Variants in CHST15 observed in about 807,000 individuals in gnomAD.
CHST15 encodes the protein B cell RAG associated protein (GALNAC4S-6ST).
Under a neutral mutation model 53.6 loss-of-function variants are expected in CHST15, and 30 were observed. That is an observed-to-expected ratio of 0.56 (90% CI 0.42 to 0.76). The LOEUF is 0.76. Ranked by LOEUF, CHST15 falls within the 30% of genes least tolerant of loss-of-function variation. The pLI is 0.00. For missense variants in CHST15, 627 were observed against 740.5 expected, an observed-to-expected ratio of 0.85 and a Z score of 1.78; for synonymous variants, 296 against 289.8, an observed-to-expected ratio of 1.02 and a Z score of -0.22.
intron 5 of CHST15, among the ~76,000 whole-genome samples, chr10:124,032,228 A>C (rs1947252679): frequency 1.3e-5 from 2 of 152,234 alleles, no homozygotes; most frequent in African/African-American, 4.8e-5. Context: ...TTTGGGTCAA[A>C]ATCGAGTTTG....
intron 1 of CHST15, among the ~76,000 whole-genome samples, chr10:124,084,108 C>T (rs774900983): frequency 7.2e-5 from 11 of 152,226 alleles, no homozygotes; most frequent in South Asian, 6.2e-4. Flanking sequence ...GGAAGGGTCT[C>T]TGCTGCCCCA....
chr10:124,078,189 C>A (rs1949133499), intron 1 of CHST15, among the ~76,000 whole-genome samples: 1 of 152,194 alleles, frequency 6.6e-6, no homozygotes, highest in Non-Finnish European at 1.5e-5. Flanking sequence ...AGCCCCAGGG[C>A]ACACAGCAGT....
rs985410194 is a variant in CHST15 at position 124,024,140 on chromosome 10, C to T, written c.1191-2728G>A. Among the ~76,000 whole-genome samples the T allele has an allele frequency of 2.0e-5, 3 of 152,224 alleles. No individual in the cohort carries two copies. Among genetic ancestry groups the T allele is most frequent in the African/African-American group, 7.2e-5 (3 of 41,446 alleles). On this transcript the variant is annotated intron_variant, in intron 5 of 7. Coordinates refer to ENST00000435907, the MANE Select transcript of CHST15 (RefSeq NM_001270764.2). The surrounding 1 kb of genome is among the most constrained non-coding windows in gnomAD (Gnocchi z 4.0). ...GATTACGGGCGTGAGCCACCACGCCCAGCCGCCATCCATACTTCCAAACGC... is the reference window on the plus strand; with the variant it reads ...GATTACGGGCGTGAGCCACCACGCCTAGCCGCCATCCATACTTCCAAACGC...
At chr10:124,041,626 C>G (rs1052634892) in intron 4 of CHST15, among the ~76,000 whole-genome samples, 1 of 152,128 alleles carries the variant, frequency 6.6e-6, no homozygotes, top group Non-Finnish European at 1.5e-5. Flanking sequence ...TTCACTGTCT[C>G]TATTTCCATC....
intron 5 of CHST15, among the ~76,000 whole-genome samples, chr10:124,034,572 T>C (rs112023100): frequency 0.04 from 4,427 of 111,658 alleles, 289 homozygotes; most frequent in African/African-American, 0.15. Flanking sequence ...GACCCTGGCT[T>C]CATCCCCTAA....
chr10:124,085,908 C>T (rs556805730), intron 1 of CHST15, among the ~76,000 whole-genome samples: 42 of 152,220 alleles, frequency 2.8e-4, no homozygotes, highest in Middle Eastern at 3.4e-3. Flanking sequence ...CTCCAGTGGC[C>T]GGGGGACCCA....
chr10:124,092,937 G>C (rs1949648049), intron 1 of CHST15, among the ~76,000 whole-genome samples: 1 of 152,236 alleles, frequency 6.6e-6, no homozygotes. Flanking sequence ...CAGCCCGCCG[G>C]TGCGTTCCAC....
intron 7 of CHST15, chr10:124,011,172 G>T: frequency 1.1e-6 from 1 of 879,546 alleles, no homozygotes; most frequent in Non-Finnish European, 1.4e-6. Context: ...CTGGGCCACA[G>T]CTTCTTGGTG....
At chr10:124,027,267 T>C (rs1947050232) in intron 5 of CHST15, among the ~76,000 whole-genome samples, 3 of 151,720 alleles carry the variant, frequency 2.0e-5, no homozygotes, top group Non-Finnish European at 4.4e-5. Context: ...GGAGGAGCGG[T>C]GGGATGGGAA....
chr10:124,038,758 C>T, intron 4 of CHST15, 87 bp from the exon 5 acceptor site: 1 of 1,381,228 alleles, frequency 7.2e-7, no homozygotes, highest in Non-Finnish European at 1.0e-6. Context: ...ACACCTGGCC[C>T]CGATGCCTTC....
chr10:124,045,551 C>T, intron 2 of CHST15, 116 bp downstream of exon 2: 5 of 1,034,052 alleles, frequency 4.8e-6, no homozygotes, highest in Admixed American at 2.4e-5. Flanking sequence ...ATCCTTGCTA[C>T]ATCTAAGACA....
chr10:124,065,487 TC>T (rs1372906749), intron 1 of CHST15, among the ~76,000 whole-genome samples: 1 of 152,236 alleles, frequency 6.6e-6, no homozygotes, highest in African/African-American at 2.4e-5. Flanking sequence ...TCCATGACTT[TC>T]AGGCAAATTG....
intron 5 of CHST15, among the ~76,000 whole-genome samples, chr10:124,035,435 TACCCCCTAACAGGGACCCTGGTTCC>T (rs1400237687): frequency 1.2e-5 from 1 of 82,766 alleles, no homozygotes. Flanking sequence ...ACCCTGGCTC[TACCCCCTAACAGGGACCCTGGTTCC>T]ACCCCCTAAC....
At chr10:124,042,075 A>T (rs1947760656) in intron 4 of CHST15, among the ~76,000 whole-genome samples, 1 of 152,270 alleles carries the variant, frequency 6.6e-6, no homozygotes, top group East Asian at 1.9e-4. Context: ...TTAAGTCTCC[A>T]AAGAATTAGA....
intron 4 of CHST15, among the ~76,000 whole-genome samples, chr10:124,039,812 C>A (rs1001106062): frequency 3.0e-4 from 46 of 151,792 alleles, no homozygotes; most frequent in African/African-American, 1.1e-3. Context: ...AAAGGAAATT[C>A]ATCAATCAGC....
intron 7 of CHST15, chr10:124,010,886 C>G: frequency 1.0e-6 from 1 of 985,440 alleles, no homozygotes; most frequent in African/African-American, 1.7e-5. Flanking sequence ...CCCAGAGCCC[C>G]CACTGGCTGA....
rs150368440 is a variant in CHST15 at position 124,021,436 on chromosome 10, T to C, written c.1191-24A>G. 2,901 of 1,593,652 alleles carry C rather than the reference T, an allele frequency of 1.8e-3. 4 individuals carry two copies. Among genetic ancestry groups the C allele is most frequent in the Non-Finnish European group, 2.3e-3 (2,730 of 1,166,694 alleles). On this transcript the variant is annotated intron_variant, in intron 5 of 7. Coordinates refer to ENST00000435907, the MANE Select transcript of CHST15 (RefSeq NM_001270764.2). ...ACCTGTGAATAAAATAAATGCATAT[T>C]TTTACCACCCATGAACATGCAATCA...
chr10:124,067,863 C>G (rs373902931), intron 1 of CHST15, among the ~76,000 whole-genome samples: 7 of 152,314 alleles, frequency 4.6e-5, no homozygotes, highest in African/African-American at 1.7e-4. Context: ...GATCCGCTGG[C>G]CTCGGCCTCC....
intron 1 of CHST15, among the ~76,000 whole-genome samples, chr10:124,070,768 C>T (rs1948888090): frequency 6.6e-6 from 1 of 152,178 alleles, no homozygotes; most frequent in Non-Finnish European, 1.5e-5. Flanking sequence ...TGTTCAGCTG[C>T]ATCTCGCAGG....
Sources: allele counts gnomAD v4.1 joint callset (sites outside exome capture counted in the v4.1 genomes callset), GRCh38; gene constraint gnomAD v4.1.1; non-coding constraint Gnocchi (gnomAD v3.1); transcripts MANE v1.5; gene names NCBI Gene and HGNC (gene_info 2026-07-23, HGNC 2026-07-21).